CFAP299: variants seen among roughly 807,000 people sequenced by gnomAD.
CFAP299 encodes cilia and flagella associated protein 299.
A neutral mutation model predicts 27.0 loss-of-function variants in CFAP299; 21 were observed. The observed-to-expected ratio is 0.78, with a 90% confidence interval of 0.55 to 1.12. The LOEUF is 1.12. CFAP299 is among the 50% of genes most tolerant of loss of function. The pLI, the probability that CFAP299 is intolerant of heterozygous loss-of-function variation, is 0.00. For missense variants in CFAP299, 310 were observed against 276.6 expected, an observed-to-expected ratio of 1.12 and a Z score of -0.86; for synonymous variants, 104 against 98.1, an observed-to-expected ratio of 1.06 and a Z score of -0.36.
At chr4:80,880,508 G>T (rs1330479488) in intron 4 of CFAP299, among the ~76,000 whole-genome samples, 2 of 152,098 alleles carry the variant, frequency 1.3e-5, no homozygotes, top group African/African-American at 2.4e-5. Context: ...GAGGCGAGCA[G>T]ATCACAAGGT....
At chr4:80,893,743 A>G (rs1262525749) in intron 4 of CFAP299, among the ~76,000 whole-genome samples, 1 of 151,950 alleles carries the variant, frequency 6.6e-6, no homozygotes, top group East Asian at 1.9e-4. Flanking sequence ...TAGACATAAA[A>G]CCTGAAAATG....
intron 2 of CFAP299, among the ~76,000 whole-genome samples, chr4:80,510,826 CAA>C (rs1459721094): frequency 6.6e-6 from 1 of 152,138 alleles, no homozygotes; most frequent in Non-Finnish European, 1.5e-5. Flanking sequence ...GTAGTATGTA[CAA>C]TGTTAGATCC....
At chr4:80,799,510 G>A (rs1360236307) in intron 3 of CFAP299, among the ~76,000 whole-genome samples, 6 of 67,948 alleles carry the variant, frequency 8.8e-5, no homozygotes, top group South Asian at 4.9e-4. Flanking sequence ...TTTTATAAAT[G>A]TATATTTATA....
intron 2 of CFAP299, among the ~76,000 whole-genome samples, chr4:80,558,468 C>T (rs1338957008): frequency 6.7e-6 from 1 of 149,108 alleles, no homozygotes; most frequent in African/African-American, 2.5e-5. Flanking sequence ...CAAATCAATT[C>T]CTGCAGTCCT....
chr4:80,497,192 C>T (rs1731493412), intron 2 of CFAP299, among the ~76,000 whole-genome samples: 1 of 152,142 alleles, frequency 6.6e-6, no homozygotes, highest in African/African-American at 2.4e-5. Flanking sequence ...ATTGCTTTAG[C>T]TCAGGAGTTC....
rs1044755597 is a variant in CFAP299, at chr4:80,860,925, A to G, written c.334-9068A>G. On this transcript the variant is annotated intron_variant, in intron 3 of 5. Transcript: ENST00000358105. ...TCTTCAGCTGCGTGCTGGGAGAACC[A>G]CTGCTCTCTTCAAATCTGTCAGACA... 6.6e-5 allele frequency among the ~76,000 whole-genome samples: 10 copies of G among 152,192 alleles called. 1 individual carries two copies. Among genetic ancestry groups the G allele is most frequent in the Non-Finnish European group, 1.3e-4 (9 of 68,026 alleles).
intron 2 of CFAP299, among the ~76,000 whole-genome samples, chr4:80,390,599 ATG>A (rs1725310638): frequency 1.4e-5 from 2 of 137,972 alleles, no homozygotes; most frequent in African/African-American, 5.9e-5. Flanking sequence ...ATATGTATAT[ATG>A]TATACACACA....
At chr4:80,837,530 G>A (rs921212909) in intron 3 of CFAP299, among the ~76,000 whole-genome samples, 1 of 152,094 alleles carries the variant, frequency 6.6e-6, no homozygotes, top group Non-Finnish European at 1.5e-5. Flanking sequence ...GTGAGAACAT[G>A]TGGTGTTTGG....
chr4:80,564,218 A>C (rs1308894392), intron 2 of CFAP299, among the ~76,000 whole-genome samples: 2 of 151,994 alleles, frequency 1.3e-5, no homozygotes, highest in African/African-American at 4.8e-5. Context: ...ATGAGACAAG[A>C]CACATCAAAA....
At chr4:80,800,277 AAT>A (rs1728368247) in intron 3 of CFAP299, among the ~76,000 whole-genome samples, 1 of 75,030 alleles carries the variant, frequency 1.3e-5, no homozygotes, top group African/African-American at 5.6e-5. Context: ...AAATATATAT[AAT>A]ATATAATATA....
At chr4:80,713,031 ATTGAG>A (rs1219908229) in intron 3 of CFAP299, among the ~76,000 whole-genome samples, 1 of 152,086 alleles carries the variant, frequency 6.6e-6, no homozygotes, top group African/African-American at 2.4e-5. Flanking sequence ...TGAGCCAATC[ATTGAG>A]TTAAGAGGCC....
At chr4:80,943,847 TCACGAGGTCAAAAGATC>T (rs1287766702) in intron 4 of CFAP299, among the ~76,000 whole-genome samples, 2 of 152,028 alleles carry the variant, frequency 1.3e-5, no homozygotes, top group Non-Finnish European at 2.9e-5. Flanking sequence ...GGTGGGCAGA[TCACGAGGTCAAAAGATC>T]GAGACCATCC....
chr4:80,955,877 A>G (rs1578266713), intron 5 of CFAP299, among the ~76,000 whole-genome samples: 1 of 152,096 alleles, frequency 6.6e-6, no homozygotes, highest in African/African-American at 2.4e-5. Context: ...GCATGCACCT[A>G]TAATCCCAGA....
At chr4:80,938,998 A>G (rs1299863133) in intron 4 of CFAP299, among the ~76,000 whole-genome samples, 1 of 152,176 alleles carries the variant, frequency 6.6e-6, no homozygotes, top group Non-Finnish European at 1.5e-5. Context: ...CTCCTGGCCC[A>G]TAAACATTCT....
At chr4:80,691,393 G>A (rs1276624351) in intron 3 of CFAP299, among the ~76,000 whole-genome samples, 1 of 142,654 alleles carries the variant, frequency 7.0e-6, no homozygotes. Flanking sequence ...TTCAATATAT[G>A]CAAATCAATA....
intron 3 of CFAP299, among the ~76,000 whole-genome samples, chr4:80,726,983 C>T (rs147449315): frequency 1.3e-5 from 2 of 151,996 alleles, no homozygotes; most frequent in East Asian, 3.9e-4. Flanking sequence ...TTAAGATTTC[C>T]TCTTTCCACA....
chr4:80,713,503 A>T (rs1431997204), intron 3 of CFAP299, among the ~76,000 whole-genome samples: 1 of 152,250 alleles, frequency 6.6e-6, no homozygotes, highest in Non-Finnish European at 1.5e-5. Flanking sequence ...CCACAAAGAC[A>T]TCACCAATAG....
At chr4:80,945,914 G>A (rs1022230903) in intron 5 of CFAP299, among the ~76,000 whole-genome samples, 3 of 151,982 alleles carry the variant, frequency 2.0e-5, no homozygotes, top group Non-Finnish European at 4.4e-5. Flanking sequence ...AGCACTTTGG[G>A]AGGCAGAGGC....
intron 3 of CFAP299, among the ~76,000 whole-genome samples, chr4:80,584,282 C>A (rs548168209): frequency 6.6e-6 from 1 of 151,852 alleles, no homozygotes; most frequent in Admixed American, 6.6e-5. Context: ...AATATTTAAA[C>A]GAGGCTAAGA....
Sources: gnomAD v4.1 joint callset for allele counts (sites outside exome capture counted in the v4.1 genomes callset) on GRCh38, gnomAD v4.1.1 for gene constraint, MANE v1.5 for transcripts, NCBI Gene and HGNC (gene_info 2026-07-23, HGNC 2026-07-21) for gene names.